USH2A: variants seen among roughly 807,000 people sequenced by gnomAD.
USH2A encodes usherin, also known as Usher syndrome 2A (autosomal recessive, mild).
USH2A carries 443 observed loss-of-function variants against 538.9 expected under a neutral mutation model. That is an observed-to-expected ratio of 0.82 (90% CI 0.76 to 0.89). The LOEUF is 0.89. USH2A is among the 40% of genes least tolerant of loss of function. USH2A has a pLI of 0.00. For synonymous variants in USH2A, 2,413 were observed against 2,273.5 expected (o/e 1.06, Z -1.75); for missense variants, 6,633 against 6,324.8 (o/e 1.05, Z -1.65).
rs144602709 is a variant in USH2A, at chr1:215,827,732, A to G, written c.9371+10259T>C. On this transcript the variant is annotated intron_variant, in intron 47 of 71. Transcript: ENST00000307340. ...AGGTTTAAGCAGACAGTTTTAGTCC[A>G]TATTAAAAATAGTCTACAATTGCCC... Among the ~76,000 whole-genome samples, 101 of 152,254 alleles carry G rather than the reference A, an allele frequency of 6.6e-4. No individual in the cohort carries two copies. The East Asian group carries it at 0.018, about 27-fold the overall frequency.
At chr1:216,346,064 C>T (rs538335145) in intron 4 of USH2A, among the ~76,000 whole-genome samples, 18 of 152,094 alleles carry the variant, frequency 1.2e-4, no homozygotes, top group East Asian at 9.7e-4. Flanking sequence ...GTTTGATATG[C>T]GCATGAACAT....
intron 47 of USH2A, among the ~76,000 whole-genome samples, chr1:215,818,965 TATA>T (rs1471436676): frequency 6.6e-6 from 1 of 151,710 alleles, no homozygotes; most frequent in African/African-American, 2.4e-5. Flanking sequence ...ATATAAAAAT[TATA>T]ATGATTTTTT....
chr1:215,788,055 A>G (rs976908735), intron 51 of USH2A, among the ~76,000 whole-genome samples: 2 of 152,060 alleles, frequency 1.3e-5, no homozygotes, highest in African/African-American at 4.8e-5. Context: ...ATGTGTGTGT[A>G]TCTATCTATC....
chr1:216,095,724 C>T (rs1368740958), intron 22 of USH2A, among the ~76,000 whole-genome samples: 1 of 152,146 alleles, frequency 6.6e-6, no homozygotes. Context: ...CTTCATAAAG[C>T]AGGAGGACTT....
chr1:215,850,032 G>A (rs1008807716), intron 44 of USH2A, among the ~76,000 whole-genome samples: 1 of 151,902 alleles, frequency 6.6e-6, no homozygotes, highest in African/African-American at 2.4e-5. Context: ...TTCTTCAGAA[G>A]ACAGAAAGAT....
intron 38 of USH2A, among the ~76,000 whole-genome samples, chr1:215,901,737 A>G (rs1184213986): frequency 1.3e-5 from 2 of 152,190 alleles, no homozygotes; most frequent in Non-Finnish European, 2.9e-5. Flanking sequence ...AAAAAAGTTG[A>G]TAAGATGACT....
chr1:216,401,388 C>G (rs938829901), intron 3 of USH2A, among the ~76,000 whole-genome samples: 1 of 151,894 alleles, frequency 6.6e-6, no homozygotes, highest in Non-Finnish European at 1.5e-5. Context: ...AGACCCACAA[C>G]AGACAAGAAA....
intron 21 of USH2A, among the ~76,000 whole-genome samples, chr1:216,143,733 G>A (rs1211025397): frequency 6.6e-6 from 1 of 152,146 alleles, no homozygotes; most frequent in Admixed American, 6.5e-5. Flanking sequence ...TGAAACTAAA[G>A]ACCAATTAAC....
intron 3 of USH2A, among the ~76,000 whole-genome samples, chr1:216,387,125 T>C (rs1211104378): frequency 6.6e-6 from 1 of 152,180 alleles, no homozygotes; most frequent in Non-Finnish European, 1.5e-5. Context: ...TTATACATCT[T>C]TGAAGTAATA....
At chr1:215,939,838 G>C (rs1223039456) in intron 37 of USH2A, among the ~76,000 whole-genome samples, 17 of 151,978 alleles carry the variant, frequency 1.1e-4, no homozygotes, top group Admixed American at 1.1e-3. Flanking sequence ...GGCCATTTCA[G>C]TTCTCTCCTT....
chr1:215,776,391 C>T (rs530076219), intron 55 of USH2A, among the ~76,000 whole-genome samples: 1 of 152,174 alleles, frequency 6.6e-6, no homozygotes, highest in South Asian at 2.1e-4. Context: ...TTTTTAACAT[C>T]TTGAGAGGAT....
chr1:216,171,568 AGTAG>A (rs1322907078), intron 21 of USH2A, among the ~76,000 whole-genome samples: 2 of 152,084 alleles, frequency 1.3e-5, no homozygotes, highest in Non-Finnish European at 2.9e-5. Context: ...CCTGTCTCAT[AGTAG>A]GCACTTAATA....
rs529593121 is a variant in USH2A at position 215,799,855 on chromosome 1, G to T, written c.9740-730C>A. Among the ~76,000 whole-genome samples the T allele has an allele frequency of 2.0e-5, 3 of 152,132 alleles. No homozygotes were observed. In the South Asian group the frequency reaches 6.2e-4, roughly 32 times the overall value. ...AAAAAAATTATCCAGGCTTGGTGGT[G>T]CATGCCTGTAGTCCCACCTACTCGA... On this transcript the variant is annotated intron_variant, in intron 49 of 71. Transcript: ENST00000307340.
Position 215,630,511 on chromosome 1 carries a change from T to TG in USH2A, c.15298-1477_15298-1476insC, listed in dbSNP as rs1320917673. 3.3e-4 allele frequency among the ~76,000 whole-genome samples: 43 copies of TG among 129,152 alleles called. 1 individual carries two copies. Among genetic ancestry groups the TG allele is most frequent in the African/African-American group, 1.1e-3 (39 of 34,756 alleles). 84.7% of individuals were successfully genotyped at this position (129,152 alleles called of 152,430 possible). ...ATATATATATATATATATATATATA[T>TG]ATATATATATATATATGAGAGAGAG... On this transcript the variant is annotated intron_variant, in intron 70 of 71. Transcript: ENST00000307340.
At chr1:216,211,788 C>T (rs745975702) in intron 15 of USH2A, among the ~76,000 whole-genome samples, 17 of 151,858 alleles carry the variant, frequency 1.1e-4, no homozygotes, top group Non-Finnish European at 7.4e-5. Context: ...ATGAATTTTC[C>T]ATATTTGATA....
rs186236146 is a variant in USH2A at position 216,208,118 on chromosome 1, A to G, written c.3158-687T>C. Among the ~76,000 whole-genome samples, 5 of 152,258 alleles carry G rather than the reference A, an allele frequency of 3.3e-5. No individual in the cohort carries two copies. In the East Asian group the frequency reaches 7.7e-4, roughly 24 times the overall value. On this transcript the variant is annotated intron_variant, in intron 15 of 71. Transcript: ENST00000307340. ...CTATAATATAAATATATACCATGAA[A>G]ACATTGTGTTCTGTCACTGTAAATT...
chr1:215,633,022 C>T (rs1243327188), intron 70 of USH2A, among the ~76,000 whole-genome samples: 1 of 152,100 alleles, frequency 6.6e-6, no homozygotes, highest in Admixed American at 6.5e-5. Flanking sequence ...TGGGAGCTTA[C>T]CTTCTATTTC....
intron 30 of USH2A, among the ~76,000 whole-genome samples, chr1:216,061,093 A>C (rs1259280167): frequency 6.6e-6 from 1 of 152,084 alleles, no homozygotes; most frequent in Non-Finnish European, 1.5e-5. Context: ...CAGAATCTAG[A>C]CCCTGTGGCC....
intron 4 of USH2A, among the ~76,000 whole-genome samples, chr1:216,334,273 T>A (rs1384104212): frequency 1.3e-5 from 2 of 151,976 alleles, no homozygotes; most frequent in African/African-American, 4.8e-5. Context: ...TTGGTATTAA[T>A]TTGAATTAGA....
Sources: gnomAD v4.1 joint callset for allele counts (sites outside exome capture counted in the v4.1 genomes callset) on GRCh38, gnomAD v4.1.1 for gene constraint, MANE v1.5 for transcripts, NCBI Gene and HGNC (gene_info 2026-07-23, HGNC 2026-07-21) for gene names.